Variants in DYSF observed in about 807,000 individuals in gnomAD.
DYSF encodes dysferlin.
DYSF carries 212 observed loss-of-function variants against 274.9 expected under a neutral mutation model. That is an observed-to-expected ratio of 0.77 (90% CI 0.69 to 0.86). The LOEUF (loss-of-function observed/expected upper bound fraction) is 0.86, where lower values mean the gene tolerates loss of function less well. Among genes scored for constraint, DYSF ranks in the 40% least tolerant of loss-of-function variants. DYSF has a pLI of 0.00. For missense variants in DYSF, 2,666 were observed against 2,783.2 expected (o/e 0.96, Z 0.95); for synonymous variants, 1,091 against 1,078.7 (o/e 1.01, Z -0.22).
intron 41 of DYSF, among the ~76,000 whole-genome samples, chr2:71,622,135 T>TTTTTTTTTG (rs373669168): frequency 0.26 from 35,805 of 138,270 alleles, 4,920 homozygotes; most frequent in East Asian, 0.36. Flanking sequence ...TCTTTGTTTT[T>TTTTTTTTTG]TTTTTTTTTT....
chr2:71,518,896 C>T (rs1335289571), intron 10 of DYSF, among the ~76,000 whole-genome samples: 1 of 151,454 alleles, frequency 6.6e-6, no homozygotes, highest in Non-Finnish European at 1.5e-5. Flanking sequence ...AGTTCAAGAC[C>T]AGTCTGGCCA....
At chr2:71,624,711 A>G (rs147641821) in intron 41 of DYSF, among the ~76,000 whole-genome samples, 10 of 152,334 alleles carry the variant, frequency 6.6e-5, no homozygotes, top group African/African-American at 2.4e-4. Context: ...AATTGTATCT[A>G]TGGTTTCCTA....
At chr2:71,656,134 C>A in intron 42 of DYSF, 28 bp from the exon 43 acceptor site, 6 of 1,613,924 alleles carry the variant, frequency 3.7e-6, no homozygotes, top group Non-Finnish European at 5.1e-6. Context: ...TGTCTCTTGT[C>A]CCCTCCTCTA....
chr2:71,564,004 G>A, intron 23 of DYSF, 54 bp from the exon 24 acceptor site: 1 of 1,611,168 alleles, frequency 6.2e-7, no homozygotes, highest in Non-Finnish European at 8.5e-7. Context: ...TGTGGCTGTG[G>A]GGCGTGGGCC....
chr2:71,459,848 G>A (rs562600555), intron 1 of DYSF, among the ~76,000 whole-genome samples: 2 of 152,110 alleles, frequency 1.3e-5, no homozygotes, highest in South Asian at 4.2e-4. Context: ...TGGAGTGAGT[G>A]GGAGAGCTTT....
chr2:71,548,531 G>A (rs954160149), intron 17 of DYSF, among the ~76,000 whole-genome samples: 3 of 151,714 alleles, frequency 2.0e-5, no homozygotes, highest in Non-Finnish European at 2.9e-5. Context: ...GAGGACAGTG[G>A]AGGAAGACTG....
At chr2:71,593,125 CTTTTT>C (rs35900869) in intron 32 of DYSF, among the ~76,000 whole-genome samples, 4 of 85,582 alleles carry the variant, frequency 4.7e-5, no homozygotes, top group South Asian at 1.0e-3. Flanking sequence ...TCAGTGACTT[CTTTTT>C]TTTTTTTTTT....
At chr2:71,571,957 C>A (rs1215024796) in intron 29 of DYSF, among the ~76,000 whole-genome samples, 1 of 147,444 alleles carries the variant, frequency 6.8e-6, no homozygotes, top group Non-Finnish European at 1.5e-5. Flanking sequence ...ACCCAGCACA[C>A]CCACAGATCA....
intron 3 of DYSF, among the ~76,000 whole-genome samples, chr2:71,491,307 G>C (rs2083834977): frequency 6.6e-6 from 1 of 152,148 alleles, no homozygotes; most frequent in Admixed American, 6.5e-5. Flanking sequence ...CCCTCACTCT[G>C]TTCTATCTGT....
intron 18 of DYSF, 54 bp downstream of exon 18, chr2:71,551,210 A>G (rs2090920105): frequency 1.3e-6 from 2 of 1,577,574 alleles, no homozygotes; most frequent in East Asian, 2.2e-5. Context: ...CAGGTCCCTC[A>G]GGAGCCCAGG....
intron 37 of DYSF, 34 bp from the exon 38 acceptor site, chr2:71,611,431 C>G: frequency 1.9e-6 from 3 of 1,614,132 alleles, no homozygotes; most frequent in Non-Finnish European, 2.5e-6. Context: ...GGCCCGGGGC[C>G]TTCTGAGCCA....
chr2:71,488,909 C>G (rs936784181), intron 3 of DYSF, among the ~76,000 whole-genome samples: 1 of 152,126 alleles, frequency 6.6e-6, no homozygotes, highest in African/African-American at 2.4e-5. Context: ...CTGGAGGGGA[C>G]CCAGGAGACA....
At chr2:71,658,482 GTAT>G (rs749565779) in intron 43 of DYSF, among the ~76,000 whole-genome samples, 1 of 152,148 alleles carries the variant, frequency 6.6e-6, no homozygotes, top group Non-Finnish European at 1.5e-5. Flanking sequence ...CCAATTTACT[GTAT>G]TATTCTGTTT....
chr2:71,535,370 T>A, intron 16 of DYSF, 59 bp downstream of exon 16: 1 of 1,513,858 alleles, frequency 6.6e-7, no homozygotes, highest in Non-Finnish European at 9.2e-7. Context: ...GCTGGGTCCC[T>A]CAGTTTCATT....
chr2:71,532,735 G>C (rs1311522988), intron 14 of DYSF, among the ~76,000 whole-genome samples: 1 of 152,154 alleles, frequency 6.6e-6, no homozygotes, highest in Non-Finnish European at 1.5e-5. Flanking sequence ...AGGGACCTGG[G>C]GCACAGAGTT....
rs80249971 is a variant in DYSF at position 71,594,012 on chromosome 2, C to T, written c.3574+3724C>T. Among the ~76,000 whole-genome samples, 25 of 152,284 alleles carry T rather than the reference C, an allele frequency of 1.6e-4. No individual in the cohort carries two copies. The East Asian group carries it at 3.1e-3, about 19-fold the overall frequency. On this transcript the variant is annotated intron_variant, in intron 32 of 55. Transcript: ENST00000410020. Reference sequence around the variant, plus strand: ...AGTAGAAGGTCCTGTGCCCTCTTTGCTGGCCTTACAGCTCCAGGTAAGGTC... The same window carrying T: ...AGTAGAAGGTCCTGTGCCCTCTTTGTTGGCCTTACAGCTCCAGGTAAGGTC...
At chr2:71,621,214 T>C (rs751942949) in intron 41 of DYSF, among the ~76,000 whole-genome samples, 2 of 151,960 alleles carry the variant, frequency 1.3e-5, no homozygotes, top group Non-Finnish European at 2.9e-5. Context: ...TGAAGTCCCA[T>C]GGTGAGGGCC....
chr2:71,510,359 T>C (rs1203271611), intron 4 of DYSF, among the ~76,000 whole-genome samples: 1 of 152,144 alleles, frequency 6.6e-6, no homozygotes, highest in Non-Finnish European at 1.5e-5. Context: ...CCTCCACGGG[T>C]TGCAGGAGCT....
At position 71,526,394 on chromosome 2, in the gene DYSF, C is replaced by T. The variant is rs201698209; in HGVS notation, c.1276+48C>T. 5.3e-4 allele frequency: 691 copies of T among 1,295,474 alleles called. 3 individuals are homozygous for T. In the East Asian group the frequency reaches 0.027, roughly 51 times the overall value. 80.2% of individuals were successfully genotyped at this position (1,295,474 alleles called of 1,614,324 possible). A position where few individuals can be genotyped will look rare whatever the true frequency, so the allele number is the denominator to read the frequency against. On this transcript the variant is annotated intron_variant, in intron 13 of 55. Coordinates refer to ENST00000410020, the MANE Select transcript of DYSF (RefSeq NM_001130987.2). ...TGGGAGGTCTGCAGGAGGCTGGAGGCGCAGGGCTGGTGGGGGTGGGCGATG... is the reference window on the plus strand; with the variant it reads ...TGGGAGGTCTGCAGGAGGCTGGAGGTGCAGGGCTGGTGGGGGTGGGCGATG...
Sources: allele counts gnomAD v4.1 joint callset (sites outside exome capture counted in the v4.1 genomes callset), GRCh38; gene constraint gnomAD v4.1.1; transcripts MANE v1.5; gene names NCBI Gene and HGNC (gene_info 2026-07-23, HGNC 2026-07-21).